PARD3: variants seen among roughly 807,000 people sequenced by gnomAD.
The protein encoded by PARD3 is par-3 family cell polarity regulator, also known as partitioning defective 3 homolog.
PARD3 carries 75 observed loss-of-function variants against 155.4 expected under a neutral mutation model. The observed-to-expected ratio is 0.48, with a 90% confidence interval of 0.40 to 0.58. The LOEUF (loss-of-function observed/expected upper bound fraction) is 0.58, where lower values mean the gene tolerates loss of function less well. Among genes scored for constraint, PARD3 ranks in the 20% least tolerant of loss-of-function variants. PARD3 has a pLI of 0.00. For missense variants in PARD3, 1,642 were observed against 1,721.7 expected (o/e 0.95, Z 0.82); for synonymous variants, 576 against 610.5 (o/e 0.94, Z 0.83).
intron 2 of PARD3, among the ~76,000 whole-genome samples, chr10:34,544,191 T>A (rs1212334858): frequency 6.6e-6 from 1 of 152,212 alleles, no homozygotes; most frequent in Non-Finnish European, 1.5e-5. Context: ...TGGAAAAAAA[T>A]GTTTAAGTGA....
At chr10:34,222,298 C>A (rs2133482625) in intron 22 of PARD3, among the ~76,000 whole-genome samples, 1 of 152,320 alleles carries the variant, frequency 6.6e-6, no homozygotes, top group Middle Eastern at 3.4e-3. Flanking sequence ...CACCGACCAG[C>A]AGCCAGTTAT....
At chr10:34,270,391 C>T (rs1481755264) in intron 21 of PARD3, among the ~76,000 whole-genome samples, 5 of 152,104 alleles carry the variant, frequency 3.3e-5, no homozygotes, top group Non-Finnish European at 7.4e-5. Flanking sequence ...GATCCTCCTG[C>T]CTCAGCCTCC....
At chr10:34,799,827 C>CAAA in intron 1 of PARD3, among the ~76,000 whole-genome samples, 1 of 141,308 alleles carries the variant, frequency 7.1e-6, no homozygotes, top group African/African-American at 2.6e-5. Context: ...CTCATCTCTA[C>CAAA]AAAAAAAAAA....
At chr10:34,775,353 C>A (rs1564607373) in intron 1 of PARD3, among the ~76,000 whole-genome samples, 1 of 151,836 alleles carries the variant, frequency 6.6e-6, no homozygotes, top group Non-Finnish European at 1.5e-5. Context: ...CTCATCTCTG[C>A]AAAAAAACTA....
chr10:34,641,521 C>G (rs577408675), intron 2 of PARD3, among the ~76,000 whole-genome samples: 1 of 152,332 alleles, frequency 6.6e-6, no homozygotes, highest in South Asian at 2.1e-4. Context: ...TAGTAAAAGG[C>G]ACTGCATGAA....
intron 2 of PARD3, among the ~76,000 whole-genome samples, chr10:34,665,840 A>AAGAACAGAACAGAAC (rs60764123): frequency 0.064 from 8,710 of 136,626 alleles, 440 homozygotes; most frequent in Admixed American, 0.079. Context: ...GTCTCAATTA[A>AAGAACAGAACAGAAC]AGAACAGAAC....
intron 14 of PARD3, among the ~76,000 whole-genome samples, chr10:34,351,675 C>G (rs919581418): frequency 2.0e-5 from 3 of 152,210 alleles, no homozygotes; most frequent in Non-Finnish European, 4.4e-5. Flanking sequence ...CATGGCAGAA[C>G]CAGAATTTCT....
At chr10:34,449,639 T>C (rs185968225) in intron 5 of PARD3, among the ~76,000 whole-genome samples, 18 of 115,340 alleles carry the variant, frequency 1.6e-4, no homozygotes, top group African/African-American at 8.3e-4. Context: ...ATCAGATACA[T>C]TCTGAGTCTT....
intron 22 of PARD3, among the ~76,000 whole-genome samples, chr10:34,177,341 C>T (rs1034362841): frequency 6.6e-6 from 1 of 152,098 alleles, no homozygotes; most frequent in Non-Finnish European, 1.5e-5. Context: ...AGCTCCTGTG[C>T]TATTATTTTT....
In PARD3 at chr10:34,461,463, G is replaced by A. The variant is rs150563208; in HGVS notation, c.582+8622C>T. 3.8e-3 allele frequency among the ~76,000 whole-genome samples: 571 copies of A among 152,122 alleles called. 4 individuals are homozygous for A. The highest frequency in any genetic ancestry group is 0.012 in the East Asian group (61 of 5,166). On this transcript the variant is annotated intron_variant, in intron 4 of 24. Coordinates refer to ENST00000374788, the MANE Select transcript of PARD3 (RefSeq NM_001184785.2). ...CTACTAAAAATACAAAAAATTAGCC[G>A]GGTGTGGTAGTGGGCGCCTGTAATC...
chr10:34,780,078 T>C (rs975397168), intron 1 of PARD3, among the ~76,000 whole-genome samples: 19 of 152,244 alleles, frequency 1.2e-4, no homozygotes, highest in African/African-American at 4.1e-4. Flanking sequence ...TTACACCTTC[T>C]GGTAATCCCC....
intron 7 of PARD3, among the ~76,000 whole-genome samples, chr10:34,397,865 T>C (rs538903703): frequency 3.9e-5 from 6 of 152,342 alleles, no homozygotes; most frequent in African/African-American, 1.2e-4. Flanking sequence ...CCATGCATTT[T>C]ACCTTATCTT....
intron 4 of PARD3, among the ~76,000 whole-genome samples, chr10:34,468,414 T>C (rs1367486755): frequency 6.6e-6 from 1 of 152,180 alleles, no homozygotes; most frequent in East Asian, 1.9e-4. Flanking sequence ...GAAAACCAAG[T>C]TAAAAAAATT....
chr10:34,812,180 C>T (rs1844267915), intron 1 of PARD3, among the ~76,000 whole-genome samples: 1 of 152,254 alleles, frequency 6.6e-6, no homozygotes, highest in Non-Finnish European at 1.5e-5. Context: ...ATTAGCCCCA[C>T]CACACCAGAA....
At chr10:34,505,527 G>A (rs1211040224) in intron 3 of PARD3, among the ~76,000 whole-genome samples, 2 of 152,132 alleles carry the variant, frequency 1.3e-5, no homozygotes, top group Admixed American at 6.6e-5. Flanking sequence ...GGCAAATTCT[G>A]GTGAAATCTG....
intron 3 of PARD3, among the ~76,000 whole-genome samples, chr10:34,507,549 A>AAAAAAAAAAAAAAAAAAAAAAAAAAAC (rs1564790855): frequency 9.3e-6 from 1 of 107,810 alleles, no homozygotes; most frequent in African/African-American, 4.1e-5. Context: ...TTAAAAAAAC[A>AAAAAAAAAAAAAAAAAAAAAAAAAAAC]AAAAAAAAAA....
chr10:34,334,457 T>A (rs9804351), intron 18 of PARD3, among the ~76,000 whole-genome samples: 2,181 of 151,696 alleles, frequency 0.014, 47 homozygotes, highest in African/African-American at 0.049. Context: ...AGATGTTCAA[T>A]GCTAAAATGC....
At chr10:34,407,436 A>AGGAAGTT (rs1363905912) in intron 5 of PARD3, among the ~76,000 whole-genome samples, 2 of 152,226 alleles carry the variant, frequency 1.3e-5, no homozygotes, top group African/African-American at 4.8e-5. Flanking sequence ...GACTCACATC[A>AGGAAGTT]GGAAGTTGCA....
intron 22 of PARD3, among the ~76,000 whole-genome samples, chr10:34,180,420 T>C (rs1187215796): frequency 6.6e-6 from 1 of 152,168 alleles, no homozygotes; most frequent in Non-Finnish European, 1.5e-5. Context: ...TAATACAGGA[T>C]AGCAATAATG....
Sources: gnomAD v4.1 joint callset for allele counts (sites outside exome capture counted in the v4.1 genomes callset) on GRCh38, gnomAD v4.1.1 for gene constraint, MANE v1.5 for transcripts, NCBI Gene and HGNC (gene_info 2026-07-23, HGNC 2026-07-21) for gene names.